Variants in MLLT10 observed in about 807,000 individuals in gnomAD.
MLLT10 encodes the protein MLLT10 histone lysine methyltransferase DOT1L cofactor.
Under a neutral mutation model 129.1 loss-of-function variants are expected in MLLT10, and 30 were observed. The ratio of observed to expected loss-of-function variants is 0.23; its 90% CI spans 0.17 to 0.32. The LOEUF is 0.32. Among genes scored for constraint, MLLT10 ranks in the 10% least tolerant of loss-of-function variants. MLLT10 has a pLI of 1.00. For missense variants in MLLT10, 1,119 were observed against 1,268.3 expected (o/e 0.88, Z 1.79); for synonymous variants, 490 against 446.4 (o/e 1.10, Z -1.23).
intron 17 of MLLT10, among the ~76,000 whole-genome samples, chr10:21,732,006 A>G (rs925012461): frequency 5.3e-5 from 8 of 152,138 alleles, no homozygotes; most frequent in African/African-American, 1.9e-4. Context: ...CGATAGCTGG[A>G]GGATAGGTTT....
At chr10:21,652,989 A>G (rs930017458) in intron 9 of MLLT10, among the ~76,000 whole-genome samples, 1 of 152,110 alleles carries the variant, frequency 6.6e-6, no homozygotes, top group African/African-American at 2.4e-5. Context: ...ACTAGAAGGT[A>G]TAGAGTCACT....
chr10:21,560,131 G>A (rs543900402), intron 3 of MLLT10, among the ~76,000 whole-genome samples: 1 of 152,182 alleles, frequency 6.6e-6, no homozygotes, highest in Admixed American at 6.5e-5. Context: ...TCAGTCTCCT[G>A]AGTAGCTGGG....
At chr10:21,603,320 G>A (rs1446522615) in intron 5 of MLLT10, among the ~76,000 whole-genome samples, 1 of 150,536 alleles carries the variant, frequency 6.6e-6, no homozygotes, top group Non-Finnish European at 1.5e-5. Context: ...GCCCACCTTA[G>A]CCTCTGAAAG....
chr10:21,721,354 A>T (rs2057119588), intron 14 of MLLT10, among the ~76,000 whole-genome samples: 1 of 152,114 alleles, frequency 6.6e-6, no homozygotes, highest in Admixed American at 6.5e-5. Flanking sequence ...AATTTTTCTT[A>T]TTATTCTGCG....
chr10:21,724,013 G>A (rs796629199), intron 14 of MLLT10, among the ~76,000 whole-genome samples: 16 of 152,288 alleles, frequency 1.1e-4, no homozygotes, highest in African/African-American at 3.8e-4. Context: ...CTCTGTTTAT[G>A]AATTGTGTGT....
At chr10:21,727,969 G>A (rs1212278434) in intron 16 of MLLT10, 41 bp downstream of exon 16, 3 of 1,571,846 alleles carry the variant, frequency 1.9e-6, no homozygotes, top group South Asian at 1.1e-5. Context: ...CAAAGGAAAC[G>A]TTTGAGATTT....
chr10:21,673,918 A>G lies in MLLT10; in HGVS notation c.1620A>G (p.Ser540=). The change falls in exon 11 of 23, where the codon TCA becomes TCG. Residue 540 remains serine (S), a splice_region_variant and synonymous_variant. Transcript: ENST00000307729. ...GTGTTGGCTCATCTCCAGTTGGTTC[A>G]GGTAGGGGTTTGCCTATTATTATTT... is the stretch of plus-strand genomic sequence containing the variant. ...SLSVGSSPVG[S]EISMQYRHDG... 1 of 1,574,702 alleles carries G rather than the reference A, an allele frequency of 6.4e-7. No homozygotes were observed. Among genetic ancestry groups the G allele is most frequent in the Non-Finnish European group, 8.6e-7 (1 of 1,162,866 alleles).
intron 16 of MLLT10, 32 bp from the exon 17 acceptor site, chr10:21,730,868 C>T (rs752699764): frequency 1.9e-6 from 3 of 1,613,358 alleles, no homozygotes; most frequent in Admixed American, 3.3e-5. Context: ...AAGCATTCCC[C>T]TTCTTTTTAA....
intron 13 of MLLT10, among the ~76,000 whole-genome samples, chr10:21,683,053 T>C (rs2052907943): frequency 6.6e-6 from 1 of 152,228 alleles, no homozygotes; most frequent in South Asian, 2.1e-4. Context: ...ATTAACTTCA[T>C]GAAATCTTGC....
intron 21 of MLLT10, among the ~76,000 whole-genome samples, chr10:21,736,323 C>T (rs565143435): frequency 2.0e-4 from 30 of 152,286 alleles, no homozygotes; most frequent in African/African-American, 5.5e-4. Flanking sequence ...TTTGCTCTGT[C>T]GCCCAGGCTG....
chr10:21,574,927 A>C (rs1438337033), intron 3 of MLLT10, among the ~76,000 whole-genome samples: 1 of 151,958 alleles, frequency 6.6e-6, no homozygotes, highest in African/African-American at 2.4e-5. Context: ...CCAGCCTCCT[A>C]TCTCATTCTG....
Position 21,681,392 on chromosome 10 carries a change from G to C in MLLT10, c.1666+16G>C, listed in dbSNP as rs1390470174. The C allele has an allele frequency of 3.2e-6, 5 of 1,584,726 alleles. No homozygotes were observed. Among genetic ancestry groups the C allele is most frequent in the Non-Finnish European group, 4.3e-6 (5 of 1,155,372 alleles). On this transcript the variant is annotated intron_variant, in intron 12 of 22. Transcript: ENST00000307729. ...CCAACAACTAGTAAGTTGTCAAACT[G>C]GGTTGATAACCCGGGCCTTTTGTCT...
At chr10:21,637,360 A>T (rs1327749146) in intron 8 of MLLT10, among the ~76,000 whole-genome samples, 1 of 152,170 alleles carries the variant, frequency 6.6e-6, no homozygotes, top group Non-Finnish European at 1.5e-5. Flanking sequence ...AGCCCCTGTT[A>T]TTTAAAGAGT....
intron 9 of MLLT10, among the ~76,000 whole-genome samples, chr10:21,668,031 C>T (rs1291255940): frequency 2.6e-5 from 4 of 152,060 alleles, no homozygotes; most frequent in East Asian, 1.9e-4. Flanking sequence ...ACTCTCAGTA[C>T]AGCCAAATAT....
At chr10:21,562,225 A>C (rs572552845) in intron 3 of MLLT10, among the ~76,000 whole-genome samples, 16 of 152,014 alleles carry the variant, frequency 1.1e-4, no homozygotes, top group African/African-American at 3.9e-4. Context: ...GAGATTCTAC[A>C]TGAGTTTTAG....
At chr10:21,617,880 G>T (rs1015833834) in intron 8 of MLLT10, among the ~76,000 whole-genome samples, 1 of 152,072 alleles carries the variant, frequency 6.6e-6, no homozygotes, top group African/African-American at 2.4e-5. Context: ...GCCATTAGCT[G>T]AGCATGGTGG....
chr10:21,558,486 A>G (rs977167550), intron 3 of MLLT10, among the ~76,000 whole-genome samples: 5 of 151,960 alleles, frequency 3.3e-5, no homozygotes, highest in African/African-American at 9.7e-5. Context: ...AAATATGATC[A>G]TGGGCTTTGG....
chr10:21,629,360 G>A (rs1055251438), intron 8 of MLLT10, among the ~76,000 whole-genome samples: 6 of 151,768 alleles, frequency 4.0e-5, no homozygotes, highest in African/African-American at 1.5e-4. Context: ...CATAACATTT[G>A]CCATTTTAAC....
chr10:21,673,934 A>G lies in MLLT10; in HGVS notation c.1621+15A>G, dbSNP rs567060869. The G allele has an allele frequency of 3.9e-6, 6 of 1,537,192 alleles. No individual in the cohort carries two copies. In the Admixed American group the frequency reaches 1.1e-4, roughly 28 times the overall value. On this transcript the variant is annotated intron_variant, in intron 11 of 22. Coordinates refer to ENST00000307729, the MANE Select transcript of MLLT10 (RefSeq NM_001195626.3). ...AGTTGGTTCAGGTAGGGGTTTGCCT[A>G]TTATTATTTTTCTCCTTCACTCCCA...
Sources: gnomAD v4.1 joint callset for allele counts (sites outside exome capture counted in the v4.1 genomes callset) on GRCh38, gnomAD v4.1.1 for gene constraint, MANE v1.5 for transcripts, NCBI Gene and HGNC (gene_info 2026-07-23, HGNC 2026-07-21) for gene names.